Variants in MARCHF3 observed in about 807,000 individuals in gnomAD.
MARCHF3 encodes membrane associated ring-CH-type finger 3, also known as E3 ubiquitin-protein ligase MARCHF3.
In MARCHF3, 13 loss-of-function variants were observed where a neutral mutation model predicts 24.2. That is an observed-to-expected ratio of 0.54 (90% CI 0.35 to 0.85). The LOEUF is 0.85. MARCHF3 is among the 40% of genes least tolerant of loss of function. The pLI, the probability that MARCHF3 is intolerant of heterozygous loss-of-function variation, is 0.01. For missense variants in MARCHF3, 276 were observed against 325.0 expected (o/e 0.85, Z 1.16); for synonymous variants, 144 against 137.3 (o/e 1.05, Z -0.34).
intron 1 of MARCHF3, among the ~76,000 whole-genome samples, chr5:126,961,640 A>C (rs1209796898): frequency 1.3e-5 from 2 of 152,190 alleles, no homozygotes. Flanking sequence ...ATTCCATCGC[A>C]ATGTAGTCTG....
chr5:126,991,147 C>A (rs1173114054), intron 1 of MARCHF3, among the ~76,000 whole-genome samples: 3 of 152,134 alleles, frequency 2.0e-5, no homozygotes, highest in African/African-American at 4.8e-5. Context: ...TGGAACCAAC[C>A]CAAATGTCCA....
chr5:126,957,936 T>C (rs1750502542), intron 1 of MARCHF3, among the ~76,000 whole-genome samples: 1 of 152,162 alleles, frequency 6.6e-6, no homozygotes, highest in Non-Finnish European at 1.5e-5. Flanking sequence ...AATTTTCTTT[T>C]ATTTTGCTCA....
chr5:127,008,581 T>G (rs1048856488), intron 1 of MARCHF3, among the ~76,000 whole-genome samples: 1 of 152,254 alleles, frequency 6.6e-6, no homozygotes, highest in Non-Finnish European at 1.5e-5. Context: ...TTCATAGTTG[T>G]TGTTCTGGAC....
At chr5:126,921,136 C>G (rs564162714) in intron 1 of MARCHF3, among the ~76,000 whole-genome samples, 6 of 152,106 alleles carry the variant, frequency 3.9e-5, no homozygotes, top group African/African-American at 1.4e-4. Context: ...ACCAGCATGT[C>G]TTACGTATAC....
rs374764249 is a variant in MARCHF3, at chr5:126,918,096, T to C, written c.76A>G (p.Thr26Ala). 2.4e-5 allele frequency: 39 copies of C among 1,614,100 alleles called. No individual in the cohort carries two copies. Among genetic ancestry groups the C allele is most frequent in the Non-Finnish European group, 3.3e-5 (39 of 1,180,046 alleles). Residue 26 changes from threonine (T) to alanine (A), a missense_variant, in exon 2 of 5, where the codon ACG becomes GCG. Transcript: ENST00000308660. ...ACTAGGCTGCCACAATCCTCCACCG[T>C]CTTCACCACGGGTGCAGCTGAGCTG... Reference protein sequence around the residue: ...CTSSAAPVVKTVEDCGSLVNG... With the variant: ...CTSSAAPVVKAVEDCGSLVNG...
intron 1 of MARCHF3, among the ~76,000 whole-genome samples, chr5:126,922,835 T>C (rs778306639): frequency 8.5e-5 from 13 of 152,180 alleles, no homozygotes; most frequent in Non-Finnish European, 1.3e-4. Context: ...CGTGAGCCAC[T>C]GCGCCCAGCC....
chr5:127,011,214 A>AG (rs1752460173), intron 1 of MARCHF3, among the ~76,000 whole-genome samples: 1 of 152,192 alleles, frequency 6.6e-6, no homozygotes, highest in South Asian at 2.1e-4. Flanking sequence ...CTGAGATTTA[A>AG]GCAATAAAAC....
chr5:127,022,898 C>T (rs947784528), intron 1 of MARCHF3, among the ~76,000 whole-genome samples: 4 of 152,192 alleles, frequency 2.6e-5, no homozygotes, highest in African/African-American at 9.7e-5. Flanking sequence ...CCAGATGAGA[C>T]AGAAAATAGG....
At chr5:127,003,201 C>G (rs940764197) in intron 1 of MARCHF3, among the ~76,000 whole-genome samples, 7 of 151,826 alleles carry the variant, frequency 4.6e-5, no homozygotes, top group Non-Finnish European at 5.9e-5. Flanking sequence ...GGCTTTTGGC[C>G]GGGCGCGGTG....
rs1752548149 is a variant in MARCHF3 at position 127,013,865 on chromosome 5, C to G, written c.-57+16485G>C. On this transcript the variant is annotated intron_variant, in intron 1 of 4. Transcript: ENST00000308660. ...GATATCCATATGCAGAAGAATGAAA[C>G]TAGATCCTACCTCTGCCCCTATATA... Among the ~76,000 whole-genome samples the G allele has an allele frequency of 2.0e-5, 3 of 152,174 alleles. No homozygotes were observed. In the South Asian group the frequency reaches 6.2e-4, roughly 32 times the overall value.
chr5:126,948,109 T>C (rs1198079747), intron 1 of MARCHF3, among the ~76,000 whole-genome samples: 1 of 152,130 alleles, frequency 6.6e-6, no homozygotes, highest in East Asian at 1.9e-4. Flanking sequence ...TTCCCAGACA[T>C]TACTGGGAGC....
chr5:127,009,873 T>C (rs1752424110), intron 1 of MARCHF3, among the ~76,000 whole-genome samples: 2 of 152,324 alleles, frequency 1.3e-5, no homozygotes, highest in South Asian at 2.1e-4. Context: ...GTGAGTATTA[T>C]CCTTACAATG....
At chr5:126,995,892 T>C (rs1362630086) in intron 1 of MARCHF3, among the ~76,000 whole-genome samples, 1 of 152,238 alleles carries the variant, frequency 6.6e-6, no homozygotes, top group African/African-American at 2.4e-5. Context: ...TGATGTGTTA[T>C]AAACACAGGC....
At chr5:126,876,221 G>A (rs1330323878) in intron 4 of MARCHF3, among the ~76,000 whole-genome samples, 1 of 151,944 alleles carries the variant, frequency 6.6e-6, no homozygotes, top group Admixed American at 6.6e-5. Context: ...TTAGATAAGT[G>A]TATGCTTTAC....
chr5:126,877,059 G>A (rs1294056545), intron 4 of MARCHF3, among the ~76,000 whole-genome samples: 1 of 152,170 alleles, frequency 6.6e-6, no homozygotes, highest in Non-Finnish European at 1.5e-5. Flanking sequence ...CTTAGCATTA[G>A]AACACTCCCT....
intron 3 of MARCHF3, among the ~76,000 whole-genome samples, chr5:126,892,772 TG>T (rs1481945631): frequency 2.1e-5 from 3 of 145,548 alleles, no homozygotes; most frequent in African/African-American, 8.4e-5. Context: ...TGTCTCTGCC[TG>T]GCTTTCGTAT....
chr5:126,954,840 G>C (rs1379783659), intron 1 of MARCHF3, among the ~76,000 whole-genome samples: 2 of 152,050 alleles, frequency 1.3e-5, no homozygotes, highest in Admixed American at 6.6e-5. Context: ...GTTTCCCAAT[G>C]CCTACCCTCC....
rs751906504 is a variant in MARCHF3 at position 126,947,923 on chromosome 5, A to G, written c.-56-29696T>C. On this transcript the variant is annotated intron_variant, in intron 1 of 4. Transcript: ENST00000308660. ...CAGTGTGAGAACTGTTGTCCTAACC[A>G]TGACAACTGTACTTGGTCAAAGAGG... Among the ~76,000 whole-genome samples the G allele has an allele frequency of 4.1e-4, 63 of 152,136 alleles. 1 individual carries two copies. Among genetic ancestry groups the G allele is most frequent in the Non-Finnish European group, 5.0e-4 (34 of 68,030 alleles).
At chr5:126,945,316 G>A (rs1749972583) in intron 1 of MARCHF3, among the ~76,000 whole-genome samples, 1 of 152,348 alleles carries the variant, frequency 6.6e-6, no homozygotes, top group East Asian at 1.9e-4. Context: ...CCTCTGGATA[G>A]AGAAGCAAAA....
Sources: allele counts gnomAD v4.1 joint callset (sites outside exome capture counted in the v4.1 genomes callset), GRCh38; gene constraint gnomAD v4.1.1; transcripts MANE v1.5; gene names NCBI Gene and HGNC (gene_info 2026-07-23, HGNC 2026-07-21).